The following SLC8A1 variants were observed in gnomAD, a reference collection of about 807,000 sequenced individuals.
SLC8A1 encodes sodium/calcium exchanger 1.
In SLC8A1, 18 loss-of-function variants were observed where a neutral mutation model predicts 68.3. The ratio of observed to expected loss-of-function variants is 0.26; its 90% CI spans 0.18 to 0.39. The LOEUF is 0.39. Among genes scored for constraint, SLC8A1 ranks in the 10% least tolerant of loss-of-function variants. The probability of loss-of-function intolerance (pLI) is 1.00; values close to 1 mark genes in which losing one functional copy is unlikely to be tolerated. For missense variants in SLC8A1, 985 were observed against 1,156.7 expected (o/e 0.85, Z 2.15); for synonymous variants, 475 against 415.5 (o/e 1.14, Z -1.74).
chr2:40,509,437 A>AT (rs367549288), intron 1 of SLC8A1, among the ~76,000 whole-genome samples: 12,060 of 113,416 alleles, frequency 0.11, 813 homozygotes, highest in Admixed American at 0.14. Context: ...GGGATTTGGA[A>AT]TTTTTTTTTT....
At chr2:40,115,227 T>C (rs1455722250) in exon 8 of SLC8A1, 8 of 1,494,262 alleles carry the variant, frequency 5.4e-6, no homozygotes, top group African/African-American at 4.3e-5. Context: ...TGTATATATA[T>C]AAATTTACTA....
chr2:40,269,647 C>T (rs575491728), intron 2 of SLC8A1, among the ~76,000 whole-genome samples: 11 of 152,090 alleles, frequency 7.2e-5, no homozygotes, highest in South Asian at 2.1e-4. Context: ...ACCTTGGTCA[C>T]GTCTTGGAGG....
chr2:40,302,539 CAT>C (rs2071709067), intron 2 of SLC8A1, among the ~76,000 whole-genome samples: 3 of 147,680 alleles, frequency 2.0e-5, no homozygotes, highest in Non-Finnish European at 3.0e-5. Flanking sequence ...TATTTACACA[CAT>C]ATCATATATA....
At chr2:40,300,776 G>A (rs556584067) in intron 2 of SLC8A1, among the ~76,000 whole-genome samples, 3 of 152,176 alleles carry the variant, frequency 2.0e-5, no homozygotes, top group Admixed American at 6.5e-5. Flanking sequence ...GAAATTAATC[G>A]AGCTGCAGCA....
At chr2:40,334,882 C>G (rs574813725) in intron 2 of SLC8A1, among the ~76,000 whole-genome samples, 74 of 152,328 alleles carry the variant, frequency 4.9e-4, no homozygotes, top group African/African-American at 1.5e-3. Context: ...AGTCCCTCAG[C>G]CTTTAGGGGG....
At chr2:40,198,514 G>A (rs1054708214) in intron 2 of SLC8A1, among the ~76,000 whole-genome samples, 1 of 151,836 alleles carries the variant, frequency 6.6e-6, no homozygotes, top group African/African-American at 2.4e-5. Flanking sequence ...GTTGCTATAA[G>A]AAAAATATTT....
chr2:40,306,115 G>A (rs1269543580), intron 2 of SLC8A1, among the ~76,000 whole-genome samples: 1 of 152,168 alleles, frequency 6.6e-6, no homozygotes, highest in Non-Finnish European at 1.5e-5. Flanking sequence ...ATCTCACCAT[G>A]CATACATAGA....
chr2:40,495,963 T>C (rs1705670049), intron 1 of SLC8A1, among the ~76,000 whole-genome samples: 1 of 152,086 alleles, frequency 6.6e-6, no homozygotes, highest in South Asian at 2.1e-4. Flanking sequence ...TATCTGTCTA[T>C]CAATCATTTA....
chr2:40,170,770 T>C (rs2047337138), intron 4 of SLC8A1, among the ~76,000 whole-genome samples: 1 of 152,156 alleles, frequency 6.6e-6, no homozygotes, highest in African/African-American at 2.4e-5. Context: ...AGTAATAATG[T>C]TTTTAAGTCA....
At chr2:40,344,869 T>C (rs1187078731) in intron 2 of SLC8A1, among the ~76,000 whole-genome samples, 3 of 152,172 alleles carry the variant, frequency 2.0e-5, no homozygotes, top group African/African-American at 4.8e-5. Context: ...GGTAATCACA[T>C]GAGATCTCAG....
intron 2 of SLC8A1, among the ~76,000 whole-genome samples, chr2:40,349,861 A>C (rs1303903160): frequency 1.3e-5 from 2 of 152,164 alleles, no homozygotes; most frequent in Non-Finnish European, 2.9e-5. Context: ...AAGACAAAAA[A>C]AGAAATATGG....
chr2:40,392,242 A>G (rs1250394367), intron 2 of SLC8A1, among the ~76,000 whole-genome samples: 1 of 148,298 alleles, frequency 6.7e-6, no homozygotes, highest in Non-Finnish European at 1.5e-5. Flanking sequence ...AAGAAAGAGA[A>G]AGGAAGCAAG....
At chr2:40,296,253 T>TTAG (rs2070356550) in intron 2 of SLC8A1, among the ~76,000 whole-genome samples, 1 of 152,168 alleles carries the variant, frequency 6.6e-6, no homozygotes, top group Non-Finnish European at 1.5e-5. Context: ...TACTTTTTCC[T>TTAG]TAACTAGGAG....
In SLC8A1 at chr2:40,317,535, A is replaced by T. The variant is rs995908610; in HGVS notation, c.1808+110938T>A. On this transcript the variant is annotated intron_variant, in intron 2 of 7. Transcript: ENST00000406785. ...TATAGGCTCACTTGGTCTTCTTTAAAATGAAAATACTTTTAAAGACATGAC... is the reference window on the plus strand; with the variant it reads ...TATAGGCTCACTTGGTCTTCTTTAATATGAAAATACTTTTAAAGACATGAC... 2.0e-5 allele frequency among the ~76,000 whole-genome samples: 3 copies of T among 152,140 alleles called. No homozygotes were observed. The South Asian group carries it at 6.2e-4, about 31-fold the overall frequency.
chr2:40,240,519 C>T (rs1286084239), intron 2 of SLC8A1, among the ~76,000 whole-genome samples: 1 of 152,178 alleles, frequency 6.6e-6, no homozygotes, highest in Non-Finnish European at 1.5e-5. Context: ...TAAAAAAATT[C>T]CTGCTATATC....
chr2:40,270,141 A>C (rs2149131612), intron 2 of SLC8A1, among the ~76,000 whole-genome samples: 1 of 152,330 alleles, frequency 6.6e-6, no homozygotes, highest in Non-Finnish European at 1.5e-5. Flanking sequence ...CAGAATGACT[A>C]CCACTGTGTC....
chr2:40,246,019 T>C (rs1172395272), intron 2 of SLC8A1, among the ~76,000 whole-genome samples: 8 of 152,258 alleles, frequency 5.3e-5, no homozygotes, highest in Admixed American at 1.3e-4. Flanking sequence ...TTATGCCATA[T>C]GACCTGTCTT....
intron 1 of SLC8A1, among the ~76,000 whole-genome samples, chr2:40,450,785 G>T (rs755244015): frequency 6.6e-6 from 1 of 152,198 alleles, no homozygotes; most frequent in African/African-American, 2.4e-5. Flanking sequence ...GGCTTCAAAA[G>T]GATACCTAGC....
At chr2:40,117,778 C>G (rs531171949) in intron 7 of SLC8A1, among the ~76,000 whole-genome samples, 48 of 152,274 alleles carry the variant, frequency 3.2e-4, no homozygotes, top group African/African-American at 1.1e-3. Flanking sequence ...GTACTAGTCT[C>G]TCCCCTCTGT....
Sources: allele counts gnomAD v4.1 joint callset (sites outside exome capture counted in the v4.1 genomes callset), GRCh38; gene constraint gnomAD v4.1.1; transcripts MANE v1.5; gene names NCBI Gene and HGNC (gene_info 2026-07-23, HGNC 2026-07-21).